LOC128125817: variants seen among roughly 807,000 people sequenced by gnomAD.
chr1:41,605,329 C>T, the LOC128125817 span, among the ~76,000 whole-genome samples: 1 of 151,666 alleles, frequency 6.6e-6, no homozygotes, highest in Non-Finnish European at 1.5e-5. Context: ...AATTGTTCCA[C>T]ATCTTGATGT....
At chr1:41,614,041 C>A in the LOC128125817 span, among the ~76,000 whole-genome samples, 1 of 152,212 alleles carries the variant, frequency 6.6e-6, no homozygotes, top group Non-Finnish European at 1.5e-5. Context: ...TGTGAGATCA[C>A]GCAGGTTGGA....
chr1:41,624,834 C>T, the LOC128125817 span, among the ~76,000 whole-genome samples: 3 of 152,164 alleles, frequency 2.0e-5, no homozygotes, highest in Admixed American at 6.5e-5. Flanking sequence ...AAGCTGTTAA[C>T]AATCTGTCAC....
the LOC128125817 span, among the ~76,000 whole-genome samples, chr1:41,623,056 G>T: frequency 3.9e-5 from 6 of 152,194 alleles, no homozygotes; most frequent in Non-Finnish European, 8.8e-5. Context: ...CAAACCCAGT[G>T]GTCCAAACCT....
chr1:41,609,684 T>C, the LOC128125817 span, among the ~76,000 whole-genome samples: 1 of 152,178 alleles, frequency 6.6e-6, no homozygotes, highest in African/African-American at 2.4e-5. Flanking sequence ...ACCTCTCTCA[T>C]TCCCTCCATC....
At chr1:41,625,627 C>G in the LOC128125817 span, among the ~76,000 whole-genome samples, 1 of 152,168 alleles carries the variant, frequency 6.6e-6, no homozygotes, top group Non-Finnish European at 1.5e-5. Context: ...CCTAGCTACT[C>G]AGGAAGCTGA....
chr1:41,613,526 G>C, the LOC128125817 span, among the ~76,000 whole-genome samples: 1 of 152,214 alleles, frequency 6.6e-6, no homozygotes, highest in Non-Finnish European at 1.5e-5. Context: ...AATGAACAAA[G>C]TTAAAATTGT....
chr1:41,606,741 C>T, the LOC128125817 span, among the ~76,000 whole-genome samples: 1 of 151,666 alleles, frequency 6.6e-6, no homozygotes, highest in Non-Finnish European at 1.5e-5. Flanking sequence ...CTATTTTTTT[C>T]AAAGTTTGAC....
At chr1:41,625,179 AAAAAAAAAAAAAAG>A in the LOC128125817 span, among the ~76,000 whole-genome samples, 1 of 149,496 alleles carries the variant, frequency 6.7e-6, no homozygotes, top group South Asian at 2.1e-4. Flanking sequence ...AAAAAAAAAA[AAAAAAAAAAAAAAG>A]AATTCCTTAA....
the LOC128125817 span, among the ~76,000 whole-genome samples, chr1:41,609,309 C>T: frequency 1.8e-4 from 28 of 152,352 alleles, no homozygotes; most frequent in Middle Eastern, 3.4e-3. Flanking sequence ...GGGCCCCCAC[C>T]GATGCACAAT....
the LOC128125817 span, among the ~76,000 whole-genome samples, chr1:41,611,600 T>A: frequency 1.3e-5 from 2 of 151,972 alleles, no homozygotes; most frequent in Non-Finnish European, 2.9e-5. Context: ...AGGCAGGGGG[T>A]CTGCAGTGTG....
chr1:41,627,872 CTCCGTCCA>C, the LOC128125817 span, among the ~76,000 whole-genome samples: 1 of 151,918 alleles, frequency 6.6e-6, no homozygotes, highest in Non-Finnish European at 1.5e-5. Context: ...AACTCCCTCC[CTCCGTCCA>C]TCCCTCCCTC....
At chr1:41,609,377 G>A in the LOC128125817 span, among the ~76,000 whole-genome samples, 1 of 152,248 alleles carries the variant, frequency 6.6e-6, no homozygotes, top group African/African-American at 2.4e-5. Flanking sequence ...GGGCAGCCTA[G>A]TAGTTCATGG....
At chr1:41,590,025 A>T in the LOC128125817 span, among the ~76,000 whole-genome samples, 2 of 152,254 alleles carry the variant, frequency 1.3e-5, no homozygotes, top group African/African-American at 4.8e-5. Flanking sequence ...TGCCCCTTCT[A>T]AAAATCTCTG....
At chr1:41,589,825 C>A in the LOC128125817 span, among the ~76,000 whole-genome samples, 7 of 152,328 alleles carry the variant, frequency 4.6e-5, no homozygotes, top group East Asian at 1.2e-3. Context: ...CACACACACA[C>A]CCCCACATAT....
the LOC128125817 span, among the ~76,000 whole-genome samples, chr1:41,593,578 G>A: frequency 6.6e-6 from 1 of 152,228 alleles, no homozygotes; most frequent in Non-Finnish European, 1.5e-5. Context: ...GCTTTTCATG[G>A]GGACTGGCAA....
At chr1:41,624,865 T>A in the LOC128125817 span, among the ~76,000 whole-genome samples, 2 of 152,202 alleles carry the variant, frequency 1.3e-5, no homozygotes, top group East Asian at 3.8e-4. Flanking sequence ...ATGTTATGGA[T>A]GTTGATTTAG....
At chr1:41,627,823 C>A in the LOC128125817 span, among the ~76,000 whole-genome samples, 2 of 152,154 alleles carry the variant, frequency 1.3e-5, no homozygotes, top group Non-Finnish European at 2.9e-5. Context: ...GGTCCCCAAC[C>A]CCCAAGAGTC....
chr1:41,609,523 A>C, the LOC128125817 span, among the ~76,000 whole-genome samples: 4 of 152,092 alleles, frequency 2.6e-5, no homozygotes, highest in Admixed American at 2.6e-4. Flanking sequence ...AGATTCAGCG[A>C]GCTATCTACA....
chr1:41,592,562 C>CTT, the LOC128125817 span, among the ~76,000 whole-genome samples: 1 of 152,292 alleles, frequency 6.6e-6, no homozygotes, highest in African/African-American at 2.4e-5. Context: ...ACCTGCTAAT[C>CTT]TTTGTAAAAG....
Sources: allele counts gnomAD v4.1 joint callset (sites outside exome capture counted in the v4.1 genomes callset), GRCh38; gene constraint gnomAD v4.1.1; transcripts MANE v1.5.